Variants in CTBP1 observed in about 807,000 individuals in gnomAD.
The protein encoded by CTBP1 is C-terminal binding protein 1, also known as C-terminal-binding protein 1.
A neutral mutation model predicts 42.1 loss-of-function variants in CTBP1; 11 were observed. That is an observed-to-expected ratio of 0.26 (90% CI 0.16 to 0.43). The LOEUF is 0.43. CTBP1 is among the 20% of genes least tolerant of loss of function. The pLI, the probability that CTBP1 is intolerant of heterozygous loss-of-function variation, is 1.00. For missense variants in CTBP1, 399 were observed against 624.3 expected (o/e 0.64, Z 3.85); for synonymous variants, 324 against 277.1 (o/e 1.17, Z -1.68).
chr4:1,216,235 C>T (rs779446294), intron 5 of CTBP1, 30 bp from the exon 6 acceptor site: 1 of 1,589,656 alleles, frequency 6.3e-7, no homozygotes, highest in Non-Finnish European at 8.6e-7. Context: ...GTGTGAGACC[C>T]TTGCTCACCC....
At position 1,248,991 on chromosome 4, in the gene CTBP1, C is replaced by T. The variant is rs1259903990; in HGVS notation, c.-264G>A. 2.0e-5 allele frequency: 19 copies of T among 967,646 alleles called. No individual in the cohort carries two copies. The highest frequency in any genetic ancestry group is 2.3e-5 in the Non-Finnish European group (19 of 816,572). 59.9% of individuals were successfully genotyped at this position (967,646 alleles called of 1,614,324 possible). On this transcript the variant is annotated 5_prime_UTR_variant, in exon 1 of 10. Transcript: ENST00000382952. ...GAGCGGCCGCGGGCCCCGACCACTC[C>T]GGCGCGCTGCGCCGCCGCGAGCCCG... is the stretch of plus-strand genomic sequence containing the variant.
At chr4:1,248,603 C>T (rs1398988156) in intron 1 of CTBP1, 3 of 857,876 alleles carry the variant, frequency 3.5e-6, no homozygotes, top group Non-Finnish European at 4.2e-6. Flanking sequence ...GGGCTGGGGT[C>T]GGTGGAGCTG....
chr4:1,248,726 C>A (rs1416390914), intron 1 of CTBP1, 190 bp downstream of exon 1: 23 of 981,426 alleles, frequency 2.3e-5, no homozygotes, highest in Non-Finnish European at 2.5e-5. Flanking sequence ...CCCGCGCATG[C>A]GCAAGACCCT....
intron 1 of CTBP1, among the ~76,000 whole-genome samples, chr4:1,246,555 T>C (rs1350425428): frequency 6.6e-6 from 1 of 152,226 alleles, no homozygotes; most frequent in African/African-American, 2.4e-5. Flanking sequence ...GGGCACAAAG[T>C]GCTGCCTGAA....
intron 1 of CTBP1, among the ~76,000 whole-genome samples, chr4:1,245,840 A>G (rs1266075586): frequency 2.0e-5 from 3 of 151,812 alleles, no homozygotes; most frequent in Non-Finnish European, 4.4e-5. Context: ...TGGTCCCAAC[A>G]CCGCCCACAC....
intron 1 of CTBP1, chr4:1,245,143 C>A: frequency 1.0e-6 from 1 of 984,970 alleles, no homozygotes; most frequent in Non-Finnish European, 1.2e-6. Flanking sequence ...AAGTCATCCA[C>A]GAGCCGATAC....
At chr4:1,214,519 G>A (rs768978975) in intron 6 of CTBP1, 46 bp from the exon 7 acceptor site, 2 of 1,518,932 alleles carry the variant, frequency 1.3e-6, no homozygotes, top group Non-Finnish European at 1.7e-6. Flanking sequence ...GATCCGCACA[G>A]GGCGGGCAGC....
At chr4:1,227,452 G>A (rs1220249404) in intron 4 of CTBP1, among the ~76,000 whole-genome samples, 7 of 140,402 alleles carry the variant, frequency 5.0e-5, no homozygotes, top group Middle Eastern at 5.1e-3. Flanking sequence ...GCGTGTGCAC[G>A]GGTGCAGATG....
At chr4:1,230,679 G>A (rs1415537406) in intron 3 of CTBP1, among the ~76,000 whole-genome samples, 2 of 152,234 alleles carry the variant, frequency 1.3e-5, no homozygotes, top group African/African-American at 2.4e-5. Flanking sequence ...CACTGGCCAC[G>A]GGCCTCGAAA....
intron 1 of CTBP1, chr4:1,245,553 G>C (rs1732629391): frequency 1.0e-6 from 1 of 983,506 alleles, no homozygotes; most frequent in African/African-American, 1.7e-5. Context: ...GGCAGGTCAG[G>C]GTGGCACAGG....
intron 6 of CTBP1, among the ~76,000 whole-genome samples, chr4:1,215,336 C>T (rs914825642): frequency 1.3e-5 from 2 of 152,252 alleles, no homozygotes; most frequent in African/African-American, 4.8e-5. Flanking sequence ...CACATACATA[C>T]AAGCTCATAC....
At chr4:1,239,827 CTGCACGGTCA>C (rs1731971705) in intron 2 of CTBP1, among the ~76,000 whole-genome samples, 2 of 152,244 alleles carry the variant, frequency 1.3e-5, no homozygotes, top group Admixed American at 1.3e-4. Context: ...AACGTGAGGT[CTGCACGGTCA>C]AAACCGCGTC....
At chr4:1,228,061 G>A (rs981479187) in intron 4 of CTBP1, 138 bp downstream of exon 4, 52 of 1,190,192 alleles carry the variant, frequency 4.4e-5, no homozygotes, top group Non-Finnish European at 4.9e-5. Flanking sequence ...GGCCCCAGAC[G>A]GGACCACGAA....
At chr4:1,236,610 ACCT>A in intron 3 of CTBP1, 1 of 677,298 alleles carries the variant, frequency 1.5e-6, no homozygotes, top group Non-Finnish European at 2.7e-6. Context: ...CCCCGTGTCC[ACCT>A]CCTGATGGGG....
rs968456186 is a variant in CTBP1, at chr4:1,212,236, C to T, written c.*4G>A. The T allele has an allele frequency of 1.1e-5, 15 of 1,308,920 alleles. No homozygotes were observed. The highest frequency in any genetic ancestry group is 1.6e-5 in the African/African-American group (1 of 62,440). The allele number at this position is 1,308,920 out of a possible 1,614,324, so 81.1% of individuals were successfully genotyped here. On this transcript the variant is annotated 3_prime_UTR_variant, in exon 10 of 10. Transcript: ENST00000382952. The stretch of plus-strand genomic sequence containing the variant: ...GGCGCCGAGGCTGGAGAGCTCCTCC[C>T]GGGCTACAACTGGTCACTGGCGTGG...
At chr4:1,247,129 G>A (rs982540452) in intron 1 of CTBP1, among the ~76,000 whole-genome samples, 4 of 152,198 alleles carry the variant, frequency 2.6e-5, no homozygotes, top group African/African-American at 2.4e-5. Flanking sequence ...GCGAGTAAAA[G>A]GGAAGATCCT....
intron 1 of CTBP1, chr4:1,244,065 C>A: frequency 1.0e-6 from 1 of 985,398 alleles, no homozygotes; most frequent in Non-Finnish European, 1.2e-6. Flanking sequence ...GGCAGCAGCC[C>A]CCAGGTTCTC....
At chr4:1,213,171 G>C in intron 8 of CTBP1, 141 bp from the exon 9 acceptor site, 1 of 806,314 alleles carries the variant, frequency 1.2e-6, no homozygotes, top group Non-Finnish European at 2.0e-6. Context: ...GGCACGGCAG[G>C]GTCCTGTCTC....
intron 5 of CTBP1, among the ~76,000 whole-genome samples, chr4:1,222,154 G>C (rs1006805630): frequency 6.6e-6 from 1 of 152,210 alleles, no homozygotes; most frequent in Non-Finnish European, 1.5e-5. Context: ...CCCGCCTGGA[G>C]CATGAGGCTC....
Sources: allele counts gnomAD v4.1 joint callset (sites outside exome capture counted in the v4.1 genomes callset), GRCh38; gene constraint gnomAD v4.1.1; transcripts MANE v1.5; gene names NCBI Gene and HGNC (gene_info 2026-07-23, HGNC 2026-07-21).